Variants in CLVS1 observed in about 807,000 individuals in gnomAD.
CLVS1 encodes clavesin-1.
CLVS1 carries 10 observed loss-of-function variants against 33.1 expected under a neutral mutation model. That is an observed-to-expected ratio of 0.30 (90% CI 0.19 to 0.51). The LOEUF (loss-of-function observed/expected upper bound fraction) is 0.51, where lower values mean the gene tolerates loss of function less well. Among genes scored for constraint, CLVS1 ranks in the 20% least tolerant of loss-of-function variants. CLVS1 has a pLI of 0.97. For missense variants in CLVS1, 343 were observed against 433.4 expected, an observed-to-expected ratio of 0.79 and a Z score of 1.85; for synonymous variants, 163 against 166.1, an observed-to-expected ratio of 0.98 and a Z score of 0.14.
chr8:61,254,473 A>C (rs903041852), intron 2 of CLVS1, among the ~76,000 whole-genome samples: 20 of 152,192 alleles, frequency 1.3e-4, no homozygotes, highest in Non-Finnish European at 2.5e-4. Flanking sequence ...TTAAGTCTGC[A>C]GAGGTTTCTG....
At chr8:61,036,003 T>C in the CLVS1 span, among the ~76,000 whole-genome samples, 1 of 152,160 alleles carries the variant, frequency 6.6e-6, no homozygotes, top group Non-Finnish European at 1.5e-5. Context: ...TCCTATAGCT[T>C]CTTTCTCCAC....
chr8:61,089,945 A>C (rs1355812269), intron 1 of CLVS1, among the ~76,000 whole-genome samples: 1 of 152,130 alleles, frequency 6.6e-6, no homozygotes, highest in Non-Finnish European at 1.5e-5. Flanking sequence ...TGTTAAAAAA[A>C]ATCTCCCAGG....
chr8:61,060,583 A>G (rs1319394888), intron 1 of CLVS1, among the ~76,000 whole-genome samples: 1 of 152,218 alleles, frequency 6.6e-6, no homozygotes, highest in Non-Finnish European at 1.5e-5. Flanking sequence ...TGAAATGAGA[A>G]CAGGTCTCAA....
At chr8:61,213,399 TC>T (rs1283671710) in intron 2 of CLVS1, among the ~76,000 whole-genome samples, 2 of 43,560 alleles carry the variant, frequency 4.6e-5, no homozygotes, top group Non-Finnish European at 6.9e-5. Context: ...CAGCCTAGTG[TC>T]CTCTTAAGAA....
intron 5 of CLVS1, chr8:61,465,841 T>G (rs1056145868): frequency 6.6e-6 from 1 of 152,204 alleles, no homozygotes; most frequent in African/African-American, 2.4e-5. Flanking sequence ...TTTTTGTATT[T>G]TTAATAGAGA....
At position 61,125,169 on chromosome 8, in the gene CLVS1, G is replaced by A. The variant is rs573199242; in HGVS notation, c.-242-6601G>A. Reference sequence around the variant, plus strand: ...ATACACTCAAAATGACAATCTCAAGGTTCTACCCCAGGCATTAGAACCCCA... The same window carrying A: ...ATACACTCAAAATGACAATCTCAAGATTCTACCCCAGGCATTAGAACCCCA... On this transcript the variant is annotated intron_variant, in intron 1 of 2. Transcript: ENST00000522621. Among the ~76,000 whole-genome samples the A allele has an allele frequency of 5.9e-5, 9 of 152,164 alleles. No homozygotes were observed. In the South Asian group the frequency reaches 1.3e-3, roughly 21 times the overall value.
chr8:61,040,916 C>T, the CLVS1 span, among the ~76,000 whole-genome samples: 4 of 152,062 alleles, frequency 2.6e-5, no homozygotes, highest in Non-Finnish European at 5.9e-5. Context: ...AAGCTGACTT[C>T]CAGAATGGTA....
upstream of CLVS1, among the ~76,000 whole-genome samples, chr8:61,283,162 C>T (rs1379863710): frequency 6.6e-6 from 1 of 152,192 alleles, no homozygotes; most frequent in East Asian, 1.9e-4. Flanking sequence ...CTTCCTCAGC[C>T]TTTCTAATAT....
chr8:61,426,915 G>T (rs1230222934), intron 3 of CLVS1, among the ~76,000 whole-genome samples: 2 of 152,136 alleles, frequency 1.3e-5, no homozygotes, highest in African/African-American at 4.8e-5. Flanking sequence ...TAAATTAAAA[G>T]GCAGTTGTTA....
chr8:61,010,810 T>C, the CLVS1 span, among the ~76,000 whole-genome samples: 8 of 152,188 alleles, frequency 5.3e-5, no homozygotes, highest in Non-Finnish European at 1.2e-4. Context: ...TCCTCTCAGG[T>C]TCCTGTCATT....
chr8:61,148,769 G>A (rs1806465388), intron 2 of CLVS1, among the ~76,000 whole-genome samples: 1 of 152,164 alleles, frequency 6.6e-6, no homozygotes, highest in African/African-American at 2.4e-5. Flanking sequence ...TTGCTAAACA[G>A]GTGTATATGA....
chr8:61,044,000 G>A, the CLVS1 span, among the ~76,000 whole-genome samples: 9 of 152,096 alleles, frequency 5.9e-5, no homozygotes, highest in African/African-American at 1.9e-4. Flanking sequence ...GCTCTTTTTG[G>A]GTTTTGAAGG....
At chr8:61,164,822 A>G (rs1027415627) in intron 2 of CLVS1, among the ~76,000 whole-genome samples, 2 of 151,818 alleles carry the variant, frequency 1.3e-5, no homozygotes, top group African/African-American at 4.8e-5. Flanking sequence ...CTTTAAAACC[A>G]CTCCATGTGT....
intron 2 of CLVS1, among the ~76,000 whole-genome samples, chr8:61,173,973 G>C (rs1402779865): frequency 6.6e-6 from 1 of 152,204 alleles, no homozygotes; most frequent in African/African-American, 2.4e-5. Flanking sequence ...GCATTGGTTA[G>C]AGTGCTGATT....
At chr8:61,132,757 G>C (rs1295220661) in intron 2 of CLVS1, among the ~76,000 whole-genome samples, 1 of 152,184 alleles carries the variant, frequency 6.6e-6, no homozygotes, top group African/African-American at 2.4e-5. Flanking sequence ...GTGATGAAGT[G>C]GGGGAAGTTC....
In CLVS1 at chr8:61,472,609, C is replaced by T. The variant is rs536640913; in HGVS notation, c.977+14067C>T. Among the ~76,000 whole-genome samples, 365 of 152,304 alleles carry T rather than the reference C, an allele frequency of 2.4e-3. 1 individual carries two copies. The highest frequency in any genetic ancestry group is 3.6e-3 in the Non-Finnish European group (248 of 68,020). On this transcript the variant is annotated intron_variant, in intron 5 of 5. Transcript: ENST00000325897. Reference sequence around the variant, plus strand: ...AGTAACCAACTCCTTAGTCTCATTACTTCTCCCAGTTTTTGAATTTCCATT... The same window carrying T: ...AGTAACCAACTCCTTAGTCTCATTATTTCTCCCAGTTTTTGAATTTCCATT...
chr8:61,390,149 T>C lies in CLVS1; in HGVS notation c.630+13370T>C, dbSNP rs148409907. 6.8e-4 allele frequency among the ~76,000 whole-genome samples: 103 copies of C among 152,338 alleles called. 1 individual carries two copies. The East Asian group carries it at 0.016, about 23-fold the overall frequency. ...GATTTTTTCCTTTAAATACTGCTAATTCTGATAAATAAAAATGAGAAAGTG... is the reference window on the plus strand; with the variant it reads ...GATTTTTTCCTTTAAATACTGCTAACTCTGATAAATAAAAATGAGAAAGTG... On this transcript the variant is annotated intron_variant, in intron 3 of 5. Transcript: ENST00000325897.
intron 3 of CLVS1, among the ~76,000 whole-genome samples, chr8:61,391,904 G>C (rs111450844): frequency 0.01 from 1,572 of 152,306 alleles, 23 homozygotes; most frequent in African/African-American, 0.036. Flanking sequence ...CATCTTGATA[G>C]AGCTAAAACA....
chr8:61,493,249 C>T (rs1804157265), intron 5 of CLVS1, among the ~76,000 whole-genome samples: 2 of 152,118 alleles, frequency 1.3e-5, no homozygotes, highest in African/African-American at 4.8e-5. Flanking sequence ...TGTGTCAGTA[C>T]ACACAATTGT....
Sources: allele counts gnomAD v4.1 joint callset (sites outside exome capture counted in the v4.1 genomes callset), GRCh38; gene constraint gnomAD v4.1.1; transcripts MANE v1.5; gene names NCBI Gene and HGNC (gene_info 2026-07-23, HGNC 2026-07-21).